Variants in ZSWIM9 observed in about 807,000 individuals in gnomAD.
ZSWIM9 encodes zinc finger SWIM-type containing 9, also known as uncharacterized protein ZSWIM9.
Under a neutral mutation model 25.0 loss-of-function variants are expected in ZSWIM9, and 11 were observed. The observed-to-expected ratio is 0.44, with a 90% CI of 0.28 to 0.73. ZSWIM9 has a LOEUF of 0.73. Among genes scored for constraint, ZSWIM9 ranks in the 30% least tolerant of loss-of-function variants. The pLI is 0.16. For missense variants in ZSWIM9, 1,070 were observed against 1,296.5 expected (o/e 0.83, Z 2.68); for synonymous variants, 562 against 582.1 (o/e 0.97, Z 0.50).
At chr19:48,176,829 C>T (rs987802543) in intron 2 of ZSWIM9, among the ~76,000 whole-genome samples, 5 of 151,558 alleles carry the variant, frequency 3.3e-5, no homozygotes, top group African/African-American at 9.7e-5. Context: ...TTTGGGAGGC[C>T]GAGGTGGGTG....
rs78002556 is a variant in ZSWIM9 at position 48,185,667 on chromosome 19, G to T, written c.588+2900G>T. 3.0e-3 allele frequency among the ~76,000 whole-genome samples: 459 copies of T among 152,226 alleles called. 18 individuals carry two copies. In the East Asian group the frequency reaches 0.079, roughly 26 times the overall value. On this transcript the variant is annotated intron_variant, in intron 3 of 3. Transcript: ENST00000614654. ...CTATCCTATGGACCAGCACTGCCCG[G>T]TGGAACTTTCTACAATGATAGAAAT... is the stretch of plus-strand genomic sequence containing the variant.
Position 48,183,326 on chromosome 19 carries a change from A to G in ZSWIM9, c.588+559A>G, listed in dbSNP as rs113254297. Among the ~76,000 whole-genome samples, 3 of 151,960 alleles carry G rather than the reference A, an allele frequency of 2.0e-5. 1 individual carries two copies. The highest frequency in any genetic ancestry group is 7.2e-5 in the African/African-American group (3 of 41,470). On this transcript the variant is annotated intron_variant, in intron 3 of 3. Transcript: ENST00000614654. ...GTATTTTTAGTAGAGACGGGGTTTCACCATGTTAGCCAGGATGGTCTCGAT... is the reference window on the plus strand; with the variant it reads ...GTATTTTTAGTAGAGACGGGGTTTCGCCATGTTAGCCAGGATGGTCTCGAT...
chr19:48,189,802 TTAGAC>T (rs2037073020), intron 3 of ZSWIM9, among the ~76,000 whole-genome samples: 1 of 152,136 alleles, frequency 6.6e-6, no homozygotes. Flanking sequence ...AACTGACTGA[TTAGAC>T]TAAAGAGGTG....
intron 3 of ZSWIM9, among the ~76,000 whole-genome samples, chr19:48,193,338 T>C (rs895524124): frequency 3.3e-5 from 5 of 152,172 alleles, no homozygotes; most frequent in African/African-American, 7.2e-5. Flanking sequence ...CTGCACACCC[T>C]CGCGTGAGTT....
intron 3 of ZSWIM9, among the ~76,000 whole-genome samples, chr19:48,185,014 C>T (rs1037188331): frequency 1.3e-5 from 2 of 152,192 alleles, no homozygotes; most frequent in African/African-American, 4.8e-5. Flanking sequence ...CTGTGCAGAA[C>T]AGCTCATTCA....
intron 3 of ZSWIM9, among the ~76,000 whole-genome samples, chr19:48,192,180 C>G (rs929549776): frequency 1.3e-5 from 2 of 151,726 alleles, no homozygotes; most frequent in African/African-American, 2.4e-5. Flanking sequence ...CTCATTTGTT[C>G]TCCTCTGTGC....
chr19:48,174,830 T>C (rs1317015070), intron 2 of ZSWIM9: 1 of 152,208 alleles, frequency 6.6e-6, no homozygotes, highest in Non-Finnish European at 1.5e-5. Context: ...CCAGTTCCAA[T>C]GTAACAAATG....
In ZSWIM9 at chr19:48,189,237, C is replaced by T. The variant is rs112117265; in HGVS notation, c.589-5416C>T. ...TGTGAAAGCAGCAGATTAGAAACAA[C>T]CCAGACTCCACCAACGGGTAATGGT... is the stretch of plus-strand genomic sequence containing the variant. On this transcript the variant is annotated intron_variant, in intron 3 of 3. Coordinates refer to ENST00000614654, the MANE Select transcript of ZSWIM9 (RefSeq NM_199341.4). 2.0e-5 allele frequency among the ~76,000 whole-genome samples: 3 copies of T among 152,286 alleles called. 1 individual carries two copies. Among genetic ancestry groups the T allele is most frequent in the African/African-American group, 7.2e-5 (3 of 41,566 alleles).
At chr19:48,172,185 A>G in intron 2 of ZSWIM9, 108 bp downstream of exon 2, 3 of 1,068,486 alleles carry the variant, frequency 2.8e-6, no homozygotes, top group South Asian at 3.2e-5. Flanking sequence ...AGAGGGGGAG[A>G]GGCCAACTGA....
In ZSWIM9 at chr19:48,197,085, A is replaced by T; in HGVS notation, c.*258A>T. On this transcript the variant is annotated 3_prime_UTR_variant, in exon 4 of 4. Transcript: ENST00000614654. ...TCTGAGGGCTTCCCTCTGGAGAGGA[A>T]GCATGTGATGAGAGGTGTAGACAGG... 1.7e-6 allele frequency: 1 copy of T among 574,258 alleles called. No individual in the cohort carries two copies. The highest frequency in any genetic ancestry group is 3.1e-6 in the Non-Finnish European group (1 of 322,750). The allele number at this position is 574,258 out of a possible 1,614,324, so 35.6% of individuals were successfully genotyped here.
In ZSWIM9 at chr19:48,195,580, G is replaced by A. The variant is rs1289368135; in HGVS notation, c.1516G>A (p.Gly506Ser). ...AAGGGCACTGGAAACCAGAGACTGG[G>A]GCGGGGCTCAGTTCGAAGGTGAGAA... is the stretch of plus-strand genomic sequence containing the variant. Reference protein sequence around the residue: ...WARALETRDWGGAQFEGEKGR... With the variant: ...WARALETRDWSGAQFEGEKGR... The change falls in exon 4 of 4, where the codon GGC (glycine) becomes AGC (serine). Residue 506 changes from glycine (G) to serine (S), a missense_variant. Gly to Ser is a moderately conservative substitution (Grantham distance 56). This residue lies in a region of ZSWIM9 where 583 missense variants were observed against 624.7 expected (regional missense o/e 0.93). Coordinates refer to ENST00000614654, the MANE Select transcript of ZSWIM9 (RefSeq NM_199341.4). This position sits in a 1 kb window ranked among gnomAD's most constrained non-coding sequence, Gnocchi z 5.8. 1 of 1,417,942 alleles carries A rather than the reference G, an allele frequency of 7.1e-7. No homozygotes were observed. Among genetic ancestry groups the A allele is most frequent in the Non-Finnish European group, 9.2e-7 (1 of 1,091,542 alleles). 87.8% of individuals were successfully genotyped at this position (1,417,942 alleles called of 1,614,324 possible). A position where few individuals can be genotyped will look rare whatever the true frequency, so the allele number is the denominator to read the frequency against.
rs2036823665 is a variant in ZSWIM9 at position 48,171,872 on chromosome 19, T to C, written c.70T>C (p.Phe24Leu). The C allele has an allele frequency of 6.5e-7, 1 of 1,535,432 alleles. No individual in the cohort carries two copies. Residue 24 changes from phenylalanine (F) to leucine (L), a missense_variant, in exon 2 of 4, where the codon TTC becomes CTC. Physicochemically the swap from Phe to Leu is conservative, Grantham distance 22. Around this residue, in one of 4 missense-constraint regions of ZSWIM9, gnomAD observed 265 missense variants for 339.0 expected, o/e 0.78. Coordinates refer to ENST00000614654, the MANE Select transcript of ZSWIM9 (RefSeq NM_199341.4). The stretch of plus-strand genomic sequence containing the variant: ...GGAGCAGGAGCTGCGGGAGCGGGCC[T>C]TCTTCTCGTGGGCCGAGTTCAGCCG... Reference protein sequence around the residue: ...QEEQELRERAFFSWAEFSRFF... With the variant: ...QEEQELRERALFSWAEFSRFF...
At position 48,196,233 on chromosome 19, in the gene ZSWIM9, G is replaced by A. The variant is rs1012103862; in HGVS notation, c.2169G>A (p.Thr723=). Residue 723 remains threonine (T), a synonymous_variant, in exon 4 of 4, where the codon ACG becomes ACA. Coordinates refer to ENST00000614654, the MANE Select transcript of ZSWIM9 (RefSeq NM_199341.4). ...TAGTTCTGGTCCAGCTGGGAGACAC[G>A]AGGGTCACAGGCATGGAGAATGGAG... The part of the protein sequence containing the change: ...EDIVLVQLGD[T]RVTGMENGDG... 8 of 1,233,236 alleles carry A rather than the reference G, an allele frequency of 6.5e-6. No individual in the cohort carries two copies. The highest frequency in any genetic ancestry group is 4.1e-5 in the South Asian group (1 of 24,442). The allele number at this position is 1,233,236 out of a possible 1,614,324, so 76.4% of individuals were successfully genotyped here.
At position 48,195,370 on chromosome 19, in the gene ZSWIM9, G is replaced by C; in HGVS notation, c.1306G>C (p.Ala436Pro). The change falls in exon 4 of 4, where the codon GCC (alanine) becomes CCC (proline). Residue 436 changes from alanine to proline, a missense_variant. Ala to Pro is a conservative substitution (Grantham distance 27). Around this residue, in one of 4 missense-constraint regions of ZSWIM9, gnomAD observed 583 missense variants for 624.7 expected, o/e 0.93. Coordinates refer to ENST00000614654, the MANE Select transcript of ZSWIM9 (RefSeq NM_199341.4). This position sits in a 1 kb window ranked among gnomAD's most constrained non-coding sequence, Gnocchi z 5.8. ...TCGCGACCTGGTGGCCATGCAGTGG[G>C]CCGACGCGGCCGGGGAGGCGGTGCC... ...CLRDLVAMQW[A>P]DAAGEAVPEG... The C allele has an allele frequency of 6.6e-7, 1 of 1,509,090 alleles. No individual in the cohort carries two copies. The highest frequency in any genetic ancestry group is 8.8e-7 in the Non-Finnish European group (1 of 1,136,378). 93.5% of individuals were successfully genotyped at this position (1,509,090 alleles called of 1,614,324 possible). A position where few individuals can be genotyped will look rare whatever the true frequency, so the allele number is the denominator to read the frequency against.
At chr19:48,176,605 G>C (rs567813657) in intron 2 of ZSWIM9, among the ~76,000 whole-genome samples, 5 of 151,932 alleles carry the variant, frequency 3.3e-5, no homozygotes, top group African/African-American at 1.2e-4. Flanking sequence ...TCAACCCTCA[G>C]TGTGAGGGTT....
chr19:48,188,648 A>T (rs2037058697), intron 3 of ZSWIM9, among the ~76,000 whole-genome samples: 1 of 152,070 alleles, frequency 6.6e-6, no homozygotes, highest in African/African-American at 2.4e-5. Context: ...GAAAAGAGAG[A>T]CCTTGCCCGG....
In ZSWIM9 at chr19:48,194,626, T is replaced by C; in HGVS notation, c.589-27T>C. On this transcript the variant is annotated intron_variant, in intron 3 of 3. Transcript: ENST00000614654. This position sits in a 1 kb window ranked among gnomAD's most constrained non-coding sequence, Gnocchi z 6.0. ...AGACCCCAGCATCCTCTGACCTCTT[T>C]CCTTGCCTCCCTGCCCCCGCCCGCA... is the stretch of plus-strand genomic sequence containing the variant. 1.9e-5 allele frequency: 27 copies of C among 1,409,300 alleles called. No individual in the cohort carries two copies. The highest frequency in any genetic ancestry group is 2.5e-5 in the Non-Finnish European group (27 of 1,078,518). The allele number at this position is 1,409,300 out of a possible 1,614,324, so 87.3% of individuals were successfully genotyped here. A position where few individuals can be genotyped will look rare whatever the true frequency, so the allele number is the denominator to read the frequency against.
chr19:48,182,387 AGGTGAGTGG>A lies in ZSWIM9; in HGVS notation c.276-67_276-59del. ...AATTCTTAGTTTAAAAAAAAAAAAA[AGGTGAGTGG>A]AAAGGAAGAAGAGGGCAGCAGAGTG... On this transcript the variant is annotated intron_variant, in intron 2 of 3. Coordinates refer to ENST00000614654, the MANE Select transcript of ZSWIM9 (RefSeq NM_199341.4). The surrounding 1 kb of genome is among the most constrained non-coding windows in gnomAD (Gnocchi z 4.6). 5 of 1,236,890 alleles carry A rather than the reference AGGTGAGTGG, an allele frequency of 4.0e-6. No individual in the cohort carries two copies. The highest frequency in any genetic ancestry group is 4.4e-6 in the Non-Finnish European group (4 of 917,044). The allele number at this position is 1,236,890 out of a possible 1,614,324, so 76.6% of individuals were successfully genotyped here.
chr19:48,181,918 A>T (rs895711813), intron 2 of ZSWIM9: 3 of 152,730 alleles, frequency 2.0e-5, no homozygotes, highest in African/African-American at 7.2e-5. Flanking sequence ...ATATACATGG[A>T]ATGCTAATAG....
Sources: allele counts gnomAD v4.1 joint callset (sites outside exome capture counted in the v4.1 genomes callset), GRCh38; gene constraint gnomAD v4.1.1; regional missense constraint gnomAD v4.1.1; non-coding constraint Gnocchi (gnomAD v3.1); transcripts MANE v1.5; gene names NCBI Gene and HGNC (gene_info 2026-07-23, HGNC 2026-07-21).